The following MAP3K4 variants were observed in gnomAD, a reference collection of about 807,000 sequenced individuals.
MAP3K4 encodes MAP three kinase 1.
A neutral mutation model predicts 185.6 loss-of-function variants in MAP3K4; 67 were observed. That is an observed-to-expected ratio of 0.36 (90% CI 0.30 to 0.44). MAP3K4 has a LOEUF of 0.44. Ranked by LOEUF, MAP3K4 falls within the 20% of genes least tolerant of loss-of-function variation. The pLI is 1.00. For synonymous variants in MAP3K4, 702 were observed against 710.4 expected (o/e 0.99, Z 0.19); for missense variants, 1,551 against 1,995.1 (o/e 0.78, Z 4.24).
At position 161,070,866 on chromosome 6, in the gene MAP3K4, T is replaced by G. The variant is rs1784907784; in HGVS notation, c.1950+16T>G. On this transcript the variant is annotated intron_variant, in intron 4 of 26. Coordinates refer to ENST00000392142, the MANE Select transcript of MAP3K4 (RefSeq NM_005922.4). The surrounding 1 kb of genome is among the most constrained non-coding windows in gnomAD (Gnocchi z 4.5). ...TATTAAGCAGGTTTGCTTCAAAGACTCTTTAAAATATTTAGCAATTATTAT... is the reference window on the plus strand; with the variant it reads ...TATTAAGCAGGTTTGCTTCAAAGACGCTTTAAAATATTTAGCAATTATTAT... 3.2e-6 allele frequency: 5 copies of G among 1,584,792 alleles called. No individual in the cohort carries two copies. Among genetic ancestry groups the G allele is most frequent in the Non-Finnish European group, 2.6e-6 (3 of 1,166,000 alleles).
chr6:161,068,107 C>T (rs546000323), intron 3 of MAP3K4, among the ~76,000 whole-genome samples: 48 of 152,174 alleles, frequency 3.2e-4, no homozygotes, highest in Middle Eastern at 3.4e-3. Context: ...TGGCAAGTAC[C>T]GAGCTAAGTT....
rs780515873 is a variant in MAP3K4 at position 161,061,122 on chromosome 6, G to A, written c.1708-9486G>A. Among the ~76,000 whole-genome samples the A allele has an allele frequency of 2.5e-4, 38 of 152,158 alleles. No individual in the cohort carries two copies. The highest frequency in any genetic ancestry group is 4.9e-4 in the Non-Finnish European group (33 of 68,036). ...TCTGATAGTTCTGATTCAAATTCAG[G>A]ATTTGAGAATTTTGCTTAATCTCTT... On this transcript the variant is annotated intron_variant, in intron 3 of 26. Transcript: ENST00000392142. This position sits in a 1 kb window ranked among gnomAD's most constrained non-coding sequence, Gnocchi z 4.2.
chr6:161,100,282 G>T lies in MAP3K4; in HGVS notation c.3675-1610G>T, dbSNP rs551865728. 1.7e-4 allele frequency among the ~76,000 whole-genome samples: 26 copies of T among 152,338 alleles called. No homozygotes were observed. Among genetic ancestry groups the T allele is most frequent in the Admixed American group, 9.8e-4 (15 of 15,302 alleles). On this transcript the variant is annotated intron_variant, in intron 17 of 26. Coordinates refer to ENST00000392142, the MANE Select transcript of MAP3K4 (RefSeq NM_005922.4). This position sits in a 1 kb window ranked among gnomAD's most constrained non-coding sequence, Gnocchi z 5.8. ...AACACAGCTGTGGGTTTGTGAATGT[G>T]CCACGGGGAGGCAGAATGACACCAG... is the stretch of plus-strand genomic sequence containing the variant.
intron 1 of MAP3K4, among the ~76,000 whole-genome samples, chr6:161,012,503 A>G (rs1781896168): frequency 6.6e-6 from 1 of 152,204 alleles, no homozygotes; most frequent in South Asian, 2.1e-4. Flanking sequence ...ACTGTAATAA[A>G]TTTACATCTA....
rs1205740768 is a variant in MAP3K4 at position 161,096,199 on chromosome 6, C to G, written c.3428-881C>G. Reference sequence around the variant, plus strand: ...TCAGATCTCTCCATTTTTACTACTTCTGTCTCTCTTGTTTCCCCTTATTAA... The same window carrying G: ...TCAGATCTCTCCATTTTTACTACTTGTGTCTCTCTTGTTTCCCCTTATTAA... On this transcript the variant is annotated intron_variant, in intron 15 of 26. Transcript: ENST00000392142. This position sits in a 1 kb window ranked among gnomAD's most constrained non-coding sequence, Gnocchi z 4.9. Among the ~76,000 whole-genome samples, 1 of 152,132 alleles carries G rather than the reference C, an allele frequency of 6.6e-6. No individual in the cohort carries two copies. The highest frequency in any genetic ancestry group is 1.5e-5 in the Non-Finnish European group (1 of 68,024).
At chr6:161,066,700 A>G (rs1357350022) in intron 3 of MAP3K4, among the ~76,000 whole-genome samples, 8 of 152,122 alleles carry the variant, frequency 5.3e-5, no homozygotes, top group Non-Finnish European at 5.9e-5. Context: ...GAATTTTTGA[A>G]ACATCTGCTC....
At chr6:160,998,799 T>C (rs770974427) in intron 1 of MAP3K4, among the ~76,000 whole-genome samples, 1 of 152,236 alleles carries the variant, frequency 6.6e-6, no homozygotes, top group Non-Finnish European at 1.5e-5. Flanking sequence ...ATGTCTATAT[T>C]TTAAAAGATA....
At chr6:161,081,113 C>T in intron 6 of MAP3K4, 75 bp downstream of exon 6, 1 of 1,481,868 alleles carries the variant, frequency 6.7e-7, no homozygotes. Context: ...TGATTCTCTC[C>T]TATGTGTTTG....
At chr6:160,993,749 A>AC (rs1554268700) in intron 1 of MAP3K4, among the ~76,000 whole-genome samples, 1 of 152,074 alleles carries the variant, frequency 6.6e-6, no homozygotes, top group Admixed American at 6.6e-5. Context: ...AAAAAAAAAA[A>AC]ACTTGACTTT....
intron 1 of MAP3K4, among the ~76,000 whole-genome samples, chr6:160,999,153 T>G (rs896514417): frequency 3.3e-5 from 5 of 152,196 alleles, no homozygotes; most frequent in African/African-American, 1.2e-4. Context: ...GCTGATCAGA[T>G]TTGATGTTTT....
At chr6:161,055,173 C>T (rs913229599) in intron 3 of MAP3K4, among the ~76,000 whole-genome samples, 1 of 152,166 alleles carries the variant, frequency 6.6e-6, no homozygotes, top group Non-Finnish European at 1.5e-5. Flanking sequence ...ATTAGATGTG[C>T]TTGTATGGTG....
Position 161,065,567 on chromosome 6 carries a change from G to T in MAP3K4, c.1708-5041G>T, listed in dbSNP as rs73784734. Among the ~76,000 whole-genome samples, 249 of 152,304 alleles carry T rather than the reference G, an allele frequency of 1.6e-3. 1 individual carries two copies. The highest frequency in any genetic ancestry group is 4.7e-3 in the African/African-American group (195 of 41,578). ...AAATTATCATCATATAGTTGTATCTGCCTATACAGATTGAAAATCCCTTAT... is the reference window on the plus strand; with the variant it reads ...AAATTATCATCATATAGTTGTATCTTCCTATACAGATTGAAAATCCCTTAT... On this transcript the variant is annotated intron_variant, in intron 3 of 26. Coordinates refer to ENST00000392142, the MANE Select transcript of MAP3K4 (RefSeq NM_005922.4).
rs912178916 is a variant in MAP3K4, at chr6:161,093,784, C to T, written c.3360C>T (p.Ala1120=). 1.2e-6 allele frequency: 2 copies of T among 1,611,536 alleles called. No homozygotes were observed. Among genetic ancestry groups the T allele is most frequent in the South Asian group, 1.1e-5 (1 of 90,788 alleles). Residue 1120 remains alanine (A), a synonymous_variant, in exon 15 of 27, where the codon GCC becomes GCT. Coordinates refer to ENST00000392142, the MANE Select transcript of MAP3K4 (RefSeq NM_005922.4). The surrounding 1 kb of genome is among the most constrained non-coding windows in gnomAD (Gnocchi z 5.2). ...LPEDDFLSLQ[A]LMNECIGHVI... is the part of the protein sequence containing the mutation. Reference sequence around the variant, plus strand: ...CTTTTGGTTTCTAGAGTTTACAAGCCTTGATGAATGAATGCATTGGCCATG... The same window carrying T: ...CTTTTGGTTTCTAGAGTTTACAAGCTTTGATGAATGAATGCATTGGCCATG...
chr6:161,110,825 TC>T lies in MAP3K4; in HGVS notation c.4396+913del, dbSNP rs888474598. On this transcript the variant is annotated intron_variant, in intron 23 of 26. Transcript: ENST00000392142. This position sits in a 1 kb window ranked among gnomAD's most constrained non-coding sequence, Gnocchi z 4.8. ...TACCTTGCTTTGGTGTCTGGGGTCA[TC>T]CTGATGTTGGCTTAACTGGCTCTGT... Among the ~76,000 whole-genome samples, 3 of 152,238 alleles carry T rather than the reference TC, an allele frequency of 2.0e-5. No homozygotes were observed. Among genetic ancestry groups the T allele is most frequent in the Non-Finnish European group, 2.9e-5 (2 of 68,038 alleles).
In MAP3K4 at chr6:161,115,202, G is replaced by T; in HGVS notation, c.4706G>T (p.Arg1569Ile). Residue 1569 changes from arginine (R) to isoleucine (I), a missense_variant, in exon 26 of 27, where the codon AGA becomes ATA. Physicochemically the swap from Arg to Ile is moderately conservative, Grantham distance 97 (BLOSUM62 -3). This residue lies in a region of MAP3K4 where 159 missense variants were observed against 300.5 expected (regional missense o/e 0.53). Transcript: ENST00000392142. This position sits in a 1 kb window ranked among gnomAD's most constrained non-coding sequence, Gnocchi z 6.0. The part of the protein sequence containing the change: ...GMGHKPPIPE[R>I]LSPEGKDFLS... ...GGACATAAGCCACCAATCCCTGAAA[G>T]ATTAAGCCCTGAAGGAAAGGACTTC... 1 of 1,614,174 alleles carries T rather than the reference G, an allele frequency of 6.2e-7. No homozygotes were observed. The highest frequency in any genetic ancestry group is 8.5e-7 in the Non-Finnish European group (1 of 1,180,012).
chr6:161,050,573 G>A (rs1783958688), intron 3 of MAP3K4, among the ~76,000 whole-genome samples: 1 of 152,212 alleles, frequency 6.6e-6, no homozygotes, highest in African/African-American at 2.4e-5. Flanking sequence ...TGTCAGATAT[G>A]TGTTTCGATA....
chr6:160,992,322 C>T (rs913714357), intron 1 of MAP3K4: 3 of 541,696 alleles, frequency 5.5e-6, no homozygotes, highest in South Asian at 2.6e-5. Context: ...GTGTTGCCGG[C>T]TCCCCTTCCC....
chr6:161,081,174 C>T (rs1283586516), intron 6 of MAP3K4, 136 bp downstream of exon 6: 7 of 946,232 alleles, frequency 7.4e-6, no homozygotes, highest in Non-Finnish European at 1.1e-5. Context: ...TATGTGCACC[C>T]TCTTCCAAGT....
At chr6:161,065,448 A>G (rs1369086569) in intron 3 of MAP3K4, among the ~76,000 whole-genome samples, 2 of 152,186 alleles carry the variant, frequency 1.3e-5, no homozygotes, top group Non-Finnish European at 2.9e-5. Flanking sequence ...TATTGTAATA[A>G]TTTGGAATGC....
Sources: gnomAD v4.1 joint callset for allele counts (sites outside exome capture counted in the v4.1 genomes callset) on GRCh38, gnomAD v4.1.1 for gene constraint, gnomAD v4.1.1 regional missense constraint, Gnocchi (gnomAD v3.1) non-coding constraint, MANE v1.5 for transcripts, NCBI Gene and HGNC (gene_info 2026-07-23, HGNC 2026-07-21) for gene names.